The following SH3KBP1 variants were observed in gnomAD, a reference collection of about 807,000 sequenced individuals.
The protein encoded by SH3KBP1 is SH3 domain-containing kinase-binding protein 1.
In SH3KBP1, 8 loss-of-function variants were observed where a neutral mutation model predicts 50.1. The ratio of observed to expected loss-of-function variants is 0.16; its 90% CI spans 0.09 to 0.29. SH3KBP1 has a LOEUF of 0.29. SH3KBP1 is among the 10% of genes least tolerant of loss of function. The pLI is 1.00. For missense variants in SH3KBP1, 377 were observed against 535.2 expected, an observed-to-expected ratio of 0.70 and a Z score of 2.92; for synonymous variants, 227 against 218.6, an observed-to-expected ratio of 1.04 and a Z score of -0.34.
chrX:19,640,706 C>G (rs1417612105), intron 7 of SH3KBP1, among the ~76,000 whole-genome samples: 1 of 110,880 alleles, frequency 9.0e-6, no homozygotes, highest in African/African-American at 3.3e-5. Context: ...TCCCAACTTT[C>G]CACACCTAAG....
intron 1 of SH3KBP1, among the ~76,000 whole-genome samples, chrX:19,875,615 G>A (rs1427384560): frequency 8.9e-6 from 1 of 112,463 alleles, no homozygotes; most frequent in African/African-American, 3.2e-5. Flanking sequence ...CACCAGGACT[G>A]GAACTGAGCA....
At chrX:19,538,955 T>C (rs5955812) in intron 16 of SH3KBP1, among the ~76,000 whole-genome samples, 38,160 of 111,427 alleles carry the variant, frequency 0.34, 6,198 homozygotes, top group African/African-American at 0.65. Context: ...TGGATTCTCA[T>C]AAAATCCTAC....
At chrX:19,559,505 A>T (rs1180289072) in intron 13 of SH3KBP1, among the ~76,000 whole-genome samples, 1 of 106,479 alleles carries the variant, frequency 9.4e-6, no homozygotes, top group Non-Finnish European at 1.9e-5. Flanking sequence ...AGTTTTTTGT[A>T]TCTTTAGTAG....
At chrX:19,846,904 T>G (rs1241176493) in intron 1 of SH3KBP1, among the ~76,000 whole-genome samples, 5 of 111,497 alleles carry the variant, frequency 4.5e-5, no homozygotes. Context: ...GAGGATAGGA[T>G]AGTAAGGGGG....
intron 1 of SH3KBP1, among the ~76,000 whole-genome samples, chrX:19,843,506 C>T (rs745332431): frequency 1.8e-5 from 2 of 111,548 alleles, no homozygotes; most frequent in South Asian, 3.8e-4. Context: ...ATACCAGCCA[C>T]GTTTTCCTTT....
At chrX:19,815,803 G>C in intron 2 of SH3KBP1, among the ~76,000 whole-genome samples, 1 of 111,982 alleles carries the variant, frequency 8.9e-6, no homozygotes, top group Non-Finnish European at 1.9e-5. Flanking sequence ...ATGCCCCTGA[G>C]ATCTATCTAA....
At chrX:19,827,065 C>T (rs1163235278) in intron 2 of SH3KBP1, among the ~76,000 whole-genome samples, 3 of 111,781 alleles carry the variant, frequency 2.7e-5, no homozygotes, top group Non-Finnish European at 5.6e-5. Context: ...AGAACAGCCA[C>T]ATTCACCAAC....
intron 3 of SH3KBP1, among the ~76,000 whole-genome samples, chrX:19,740,415 G>A (rs192018684): frequency 8.3e-4 from 93 of 111,959 alleles, no homozygotes; most frequent in Non-Finnish European, 1.5e-3. Flanking sequence ...CTGCCAGATC[G>A]CCAGATTTTC....
Position 19,848,065 on chromosome X carries a change from A to T in SH3KBP1, c.5-11783T>A, listed in dbSNP as rs767125369. Among the ~76,000 whole-genome samples, 3 of 112,693 alleles carry T rather than the reference A, an allele frequency of 2.7e-5. No individual in the cohort carries two copies. The South Asian group carries it at 1.1e-3, about 41-fold the overall frequency. ...AGTGAAAATAAGTAAATAAAATTAA[A>T]AAGATCAACAGCCTCACACCAAAAG... is the stretch of plus-strand genomic sequence containing the variant. On this transcript the variant is annotated intron_variant, in intron 1 of 17. Transcript: ENST00000397821.
chrX:19,871,853 C>G (rs775408304), intron 1 of SH3KBP1, among the ~76,000 whole-genome samples: 1 of 111,248 alleles, frequency 9.0e-6, no homozygotes, highest in South Asian at 3.8e-4. Flanking sequence ...GGGACTTGGA[C>G]CCCTATCTCA....
chrX:19,875,790 C>T, intron 1 of SH3KBP1, among the ~76,000 whole-genome samples: 1 of 112,343 alleles, frequency 8.9e-6, no homozygotes, highest in Non-Finnish European at 1.9e-5. Context: ...GTGGCATGTG[C>T]CCCATGAACA....
intron 6 of SH3KBP1, among the ~76,000 whole-genome samples, chrX:19,667,675 A>T (rs1202059588): frequency 9.0e-6 from 1 of 111,561 alleles, no homozygotes; most frequent in Non-Finnish European, 1.9e-5. Context: ...AAAATTTATG[A>T]TGTTAAATAT....
chrX:19,748,621 G>A (rs1243239697), intron 2 of SH3KBP1, among the ~76,000 whole-genome samples: 1 of 111,924 alleles, frequency 8.9e-6, no homozygotes, highest in Non-Finnish European at 1.9e-5. Flanking sequence ...TTCTTTAGGT[G>A]GAAGCAGGGA....
rs6633284 is a variant in SH3KBP1 at position 19,557,325 on chromosome X, A to G, written c.1385-7242T>C. ...AATGTAATGTGTTAGGCAAGTTAAGAGAATGTTTGGCTATTTGGTACAAGC... is the reference window on the plus strand; with the variant it reads ...AATGTAATGTGTTAGGCAAGTTAAGGGAATGTTTGGCTATTTGGTACAAGC... On this transcript the variant is annotated intron_variant, in intron 13 of 17. Coordinates refer to ENST00000397821, the MANE Select transcript of SH3KBP1 (RefSeq NM_031892.3). Among the ~76,000 whole-genome samples the G allele has an allele frequency of 1.7e-3, 188 of 112,558 alleles. 4 individuals carry two copies. In the East Asian group the frequency reaches 0.042, roughly 25 times the overall value.
chrX:19,628,155 A>G, intron 8 of SH3KBP1, among the ~76,000 whole-genome samples: 1 of 112,224 alleles, frequency 8.9e-6, no homozygotes, highest in East Asian at 2.8e-4. Flanking sequence ...AATTCTTGCT[A>G]AAATCTCCTC....
At chrX:19,755,144 C>T (rs1169053123) in intron 2 of SH3KBP1, among the ~76,000 whole-genome samples, 1 of 111,177 alleles carries the variant, frequency 9.0e-6, no homozygotes, top group African/African-American at 3.3e-5. Flanking sequence ...GCCAGGCAGG[C>T]GGATCACGAG....
chrX:19,794,583 G>A (rs1410157935), intron 2 of SH3KBP1, among the ~76,000 whole-genome samples: 3 of 110,054 alleles, frequency 2.7e-5, no homozygotes, highest in African/African-American at 1.0e-4. Flanking sequence ...GGCGCCTGGA[G>A]TCCCAGCATC....
At chrX:19,664,115 T>G (rs759112824) in intron 6 of SH3KBP1, among the ~76,000 whole-genome samples, 1 of 111,482 alleles carries the variant, frequency 9.0e-6, no homozygotes, top group South Asian at 3.8e-4. Context: ...ATGGGACGCC[T>G]CTTTCTCAGT....
chrX:19,878,503 TGTGA>T (rs752573085), intron 1 of SH3KBP1, among the ~76,000 whole-genome samples: 215 of 78,770 alleles, frequency 2.7e-3, no homozygotes, highest in Middle Eastern at 5.8e-3. Context: ...TGTGTGTGTG[TGTGA>T]GAGAGAGAGA....
Sources: allele counts gnomAD v4.1 joint callset (sites outside exome capture counted in the v4.1 genomes callset), GRCh38; gene constraint gnomAD v4.1.1; transcripts MANE v1.5; gene names NCBI Gene and HGNC (gene_info 2026-07-23, HGNC 2026-07-21).